Variants in KLF17 observed in about 807,000 individuals in gnomAD.
The protein encoded by KLF17 is KLF transcription factor 17.
A neutral mutation model predicts 34.2 loss-of-function variants in KLF17; 31 were observed. That is an observed-to-expected ratio of 0.91 (90% CI 0.68 to 1.22). The LOEUF (loss-of-function observed/expected upper bound fraction) is 1.22. KLF17 is among the 50% of genes most tolerant of loss of function. KLF17 has a pLI of 0.00. For missense variants in KLF17, 478 were observed against 505.2 expected (o/e 0.95, Z 0.52); for synonymous variants, 179 against 186.7 (o/e 0.96, Z 0.34).
At chr1:44,092,921 T>C in the KLF17 span, among the ~76,000 whole-genome samples, 1 of 151,854 alleles carries the variant, frequency 6.6e-6, no homozygotes, top group African/African-American at 2.4e-5. Context: ...ATTCAAAAAT[T>C]AAAAGCAAAT....
Position 44,118,825 on chromosome 1 carries a change from C to G in KLF17, c.-83C>G, listed in dbSNP as rs566951936. 1 of 1,010,646 alleles carries G rather than the reference C, an allele frequency of 9.9e-7. No individual in the cohort carries two copies. Among genetic ancestry groups the G allele is most frequent in the South Asian group, 1.8e-5 (1 of 56,038 alleles). 62.6% of individuals were successfully genotyped at this position (1,010,646 alleles called of 1,614,324 possible). On this transcript the variant is annotated 5_prime_UTR_variant, in exon 1 of 4. Transcript: ENST00000372299. Reference sequence around the variant, plus strand: ...TAAATAGAAGGTGATTGTGGCGTGGCGATGTACCGATACCCGCCTGCGACG... The same window carrying G: ...TAAATAGAAGGTGATTGTGGCGTGGGGATGTACCGATACCCGCCTGCGACG...
chr1:44,092,346 C>A, the KLF17 span, among the ~76,000 whole-genome samples: 2 of 151,804 alleles, frequency 1.3e-5, no homozygotes, highest in South Asian at 2.1e-4. Flanking sequence ...AACTTCGTCT[C>A]AAAAAAAACT....
the KLF17 span, chr1:44,104,044 C>T: frequency 1.1e-6 from 1 of 871,020 alleles, no homozygotes; most frequent in Non-Finnish European, 2.0e-6. Context: ...GACAGCACCA[C>T]AGACGTGGCG....
chr1:44,108,660 CTTTTT>C, the KLF17 span, among the ~76,000 whole-genome samples: 18 of 75,344 alleles, frequency 2.4e-4, no homozygotes, highest in East Asian at 7.6e-4. Context: ...TTTGTTAGCT[CTTTTT>C]TTTTTTTTTT....
At chr1:44,124,993 CAAA>C (rs968697972) in intron 1 of KLF17, among the ~76,000 whole-genome samples, 27 of 151,972 alleles carry the variant, frequency 1.8e-4, no homozygotes, top group Non-Finnish European at 2.8e-4. Flanking sequence ...CATCGTATGT[CAAA>C]AAATAAAAGT....
the KLF17 span, among the ~76,000 whole-genome samples, chr1:44,071,961 C>T: frequency 6.6e-6 from 1 of 152,132 alleles, no homozygotes; most frequent in East Asian, 1.9e-4. Context: ...CTGCCCTTTG[C>T]CTCCTCCTCT....
chr1:44,100,622 G>A, the KLF17 span, among the ~76,000 whole-genome samples: 1 of 142,342 alleles, frequency 7.0e-6, no homozygotes, highest in Non-Finnish European at 1.6e-5. Flanking sequence ...TGGCTGTTTT[G>A]TTTTTGTTTT....
At chr1:44,109,908 T>C in the KLF17 span, among the ~76,000 whole-genome samples, 2 of 146,042 alleles carry the variant, frequency 1.4e-5, no homozygotes, top group Non-Finnish European at 3.0e-5. Flanking sequence ...TTTTTTTTTT[T>C]TTTTTTTTTT....
chr1:44,130,962 AT>A (rs919806050), intron 3 of KLF17, among the ~76,000 whole-genome samples: 35 of 152,040 alleles, frequency 2.3e-4, no homozygotes, highest in African/African-American at 8.2e-4. Flanking sequence ...GGCCCGGGTA[AT>A]TTTTTGTATT....
the KLF17 span, chr1:44,076,267 C>T: frequency 1.1e-4 from 16 of 152,364 alleles, no homozygotes; most frequent in East Asian, 2.9e-3. Flanking sequence ...AAATCTCCCT[C>T]CCTTCTCATT....
the KLF17 span, chr1:44,044,903 C>A: frequency 6.6e-6 from 1 of 152,164 alleles, no homozygotes; most frequent in Admixed American, 6.5e-5. Flanking sequence ...TTTCTCATTT[C>A]GGCTTCTACT....
chr1:44,093,947 A>C, the KLF17 span, among the ~76,000 whole-genome samples: 1 of 152,218 alleles, frequency 6.6e-6, no homozygotes, highest in Non-Finnish European at 1.5e-5. Flanking sequence ...CTTGAAATGG[A>C]AGACAGAGAA....
chr1:44,047,386 G>A, the KLF17 span, among the ~76,000 whole-genome samples: 1 of 152,228 alleles, frequency 6.6e-6, no homozygotes. Context: ...GGGGTAAAGG[G>A]TGGTGTGGTA....
At chr1:44,078,228 T>G in the KLF17 span, among the ~76,000 whole-genome samples, 2 of 152,186 alleles carry the variant, frequency 1.3e-5, no homozygotes, top group Non-Finnish European at 2.9e-5. Context: ...CCTTTCACAT[T>G]TAGGTAGTTA....
chr1:44,117,577 C>T (rs185183130), upstream of KLF17, among the ~76,000 whole-genome samples: 74 of 151,648 alleles, frequency 4.9e-4, no homozygotes, highest in Admixed American at 4.6e-3. Context: ...CACACTGGAA[C>T]CTCCACCACC....
At chr1:44,096,616 T>A in the KLF17 span, among the ~76,000 whole-genome samples, 1 of 152,014 alleles carries the variant, frequency 6.6e-6, no homozygotes, top group Admixed American at 6.6e-5. Flanking sequence ...TAGCCAGGAA[T>A]GTCTCGATCT....
upstream of KLF17, chr1:44,114,720 A>T (rs148466962): frequency 6.6e-6 from 1 of 152,196 alleles, no homozygotes; most frequent in African/African-American, 2.4e-5. Context: ...AATAGATCCA[A>T]CTAAAAGTTG....
At chr1:44,078,434 C>CT in the KLF17 span, among the ~76,000 whole-genome samples, 1,536 of 122,040 alleles carry the variant, frequency 0.013, 45 homozygotes, top group East Asian at 0.041. Flanking sequence ...GCTTTTCCTT[C>CT]TTCTTTTTTT....
intron 1 of KLF17, among the ~76,000 whole-genome samples, chr1:44,123,233 GT>G (rs914924265): frequency 4.6e-5 from 7 of 151,674 alleles, no homozygotes; most frequent in Admixed American, 1.3e-4. Flanking sequence ...AATTTTTAGG[GT>G]TTTTTTGTAG....
Sources: gnomAD v4.1 joint callset for allele counts (sites outside exome capture counted in the v4.1 genomes callset) on GRCh38, gnomAD v4.1.1 for gene constraint, MANE v1.5 for transcripts, NCBI Gene and HGNC (gene_info 2026-07-23, HGNC 2026-07-21) for gene names.